CLSTN2: variants seen among roughly 807,000 people sequenced by gnomAD.
The protein encoded by CLSTN2 is calsyntenin 2.
In CLSTN2, 48 loss-of-function variants were observed where a neutral mutation model predicts 101.2. The ratio of observed to expected loss-of-function variants is 0.47; its 90% confidence interval spans 0.38 to 0.60. The LOEUF is 0.60. Ranked by LOEUF, CLSTN2 falls within the 20% of genes least tolerant of loss-of-function variation. The pLI is 0.00. For missense variants in CLSTN2, 1,160 were observed against 1,238.2 expected (o/e 0.94, Z 0.95); for synonymous variants, 481 against 463.6 (o/e 1.04, Z -0.48).
chr3:140,199,408 T>A (rs1340465137), intron 2 of CLSTN2, among the ~76,000 whole-genome samples: 1 of 152,152 alleles, frequency 6.6e-6, no homozygotes, highest in African/African-American at 2.4e-5. Context: ...TAAAAAAAAT[T>A]AATTTAGTAT....
chr3:139,957,698 G>T (rs1040438231), intron 1 of CLSTN2, among the ~76,000 whole-genome samples: 3 of 152,112 alleles, frequency 2.0e-5, no homozygotes, highest in African/African-American at 7.2e-5. Flanking sequence ...AGGGTTTGAG[G>T]TTTGAAAGGG....
chr3:140,036,944 A>AAGAT (rs143585408), intron 1 of CLSTN2, among the ~76,000 whole-genome samples: 8,044 of 152,256 alleles, frequency 0.053, 665 homozygotes, highest in African/African-American at 0.17. Context: ...TTAAGTATAA[A>AAGAT]AGAAATACAT....
chr3:140,049,863 C>G (rs577442949), intron 1 of CLSTN2, among the ~76,000 whole-genome samples: 1 of 152,316 alleles, frequency 6.6e-6, no homozygotes, highest in African/African-American at 2.4e-5. Flanking sequence ...CTTGTTTTAT[C>G]CTGTCTTGTC....
At chr3:140,233,114 T>C (rs2086385294) in intron 2 of CLSTN2, among the ~76,000 whole-genome samples, 1 of 152,202 alleles carries the variant, frequency 6.6e-6, no homozygotes, top group Non-Finnish European at 1.5e-5. Flanking sequence ...AAATGCCTTT[T>C]GTCTTTGATA....
rs1297548321 is a variant in CLSTN2, at chr3:139,978,641, TGGGGGATTGTGTGTGTG to T, written c.109+43159_109+43175del. 5.9e-4 allele frequency among the ~76,000 whole-genome samples: 74 copies of T among 126,252 alleles called. 1 individual carries two copies. Among genetic ancestry groups the T allele is most frequent in the African/African-American group, 2.3e-3 (74 of 31,972 alleles). The allele number at this position is 126,252 out of a possible 152,430, so 82.8% of individuals were successfully genotyped here. A position where few individuals can be genotyped will look rare whatever the true frequency, so the allele number is the denominator to read the frequency against. ...CTAACTCTGCTGGGAGGATGGGGGA[TGGGGGATTGTGTGTGTG>T]TGTGTGTGTGTGTGTGTGTGTGTGT... is the stretch of plus-strand genomic sequence containing the variant. On this transcript the variant is annotated intron_variant, in intron 1 of 16. Transcript: ENST00000458420.
intron 2 of CLSTN2, among the ~76,000 whole-genome samples, chr3:140,338,788 C>G (rs920669359): frequency 2.0e-5 from 3 of 152,218 alleles, no homozygotes; most frequent in Non-Finnish European, 4.4e-5. Context: ...GGTGGTCCTT[C>G]TTCCAGACCT....
intron 2 of CLSTN2, among the ~76,000 whole-genome samples, chr3:140,398,051 T>C (rs2088202972): frequency 6.6e-6 from 1 of 152,186 alleles, no homozygotes; most frequent in Non-Finnish European, 1.5e-5. Context: ...TTCTTTTTCT[T>C]GGTGGGACAG....
rs538329839 is a variant in CLSTN2 at position 140,419,789 on chromosome 3, G to A, written c.638-1336G>A. On this transcript the variant is annotated intron_variant, in intron 4 of 16. Transcript: ENST00000458420. ...TACACGTGTATACACGTATATACAC[G>A]TATACGTGTATATACGTGTATATAC... Among the ~76,000 whole-genome samples, 36 of 45,258 alleles carry A rather than the reference G, an allele frequency of 8.0e-4. 13 individuals are homozygous for A. The highest frequency in any genetic ancestry group is 1.1e-3 in the African/African-American group (3 of 2,618). 29.7% of individuals were successfully genotyped at this position (45,258 alleles called of 152,430 possible). A position where few individuals can be genotyped will look rare whatever the true frequency, so the allele number is the denominator to read the frequency against.
intron 8 of CLSTN2, among the ~76,000 whole-genome samples, chr3:140,472,567 G>T (rs1040419523): frequency 6.6e-6 from 1 of 152,170 alleles, no homozygotes; most frequent in African/African-American, 2.4e-5. Context: ...CTAGCTCTTG[G>T]CTTCATTGGG....
At chr3:140,553,092 G>GCATATGC (rs1383867148) in intron 10 of CLSTN2, among the ~76,000 whole-genome samples, 1 of 152,190 alleles carries the variant, frequency 6.6e-6, no homozygotes, top group African/African-American at 2.4e-5. Flanking sequence ...CATCAACCAT[G>GCATATGC]CATATGCCTG....
chr3:140,323,278 C>A (rs2087302123), intron 2 of CLSTN2, among the ~76,000 whole-genome samples: 2 of 152,198 alleles, frequency 1.3e-5, no homozygotes, highest in African/African-American at 4.8e-5. Flanking sequence ...AACTTGGATT[C>A]TAGTTCAGCC....
Position 140,507,003 on chromosome 3 carries a change from G to A in CLSTN2, c.1345-25321G>A, listed in dbSNP as rs562069584. 262 of 152,260 alleles carry A rather than the reference G, an allele frequency of 1.7e-3. 1 individual carries two copies. The highest frequency in any genetic ancestry group is 5.2e-3 in the African/African-American group (216 of 41,548). 9.4% of individuals were successfully genotyped at this position (152,260 alleles called of 1,614,324 possible). A position where few individuals can be genotyped will look rare whatever the true frequency, so the allele number is the denominator to read the frequency against. ...GTGTGTCTTGAATATGTGAGGGACCGGGATGGACAGAGAATGCTACAGGCT... is the reference window on the plus strand; with the variant it reads ...GTGTGTCTTGAATATGTGAGGGACCAGGATGGACAGAGAATGCTACAGGCT... On this transcript the variant is annotated intron_variant, in intron 8 of 16. Coordinates refer to ENST00000458420, the MANE Select transcript of CLSTN2 (RefSeq NM_022131.3).
chr3:140,060,390 G>T (rs927885518), intron 1 of CLSTN2, among the ~76,000 whole-genome samples: 3 of 152,150 alleles, frequency 2.0e-5, no homozygotes, highest in African/African-American at 7.2e-5. Context: ...CAACTTGATG[G>T]CTTGATGAGG....
chr3:140,208,881 C>A (rs1344722473), intron 2 of CLSTN2, among the ~76,000 whole-genome samples: 1 of 152,122 alleles, frequency 6.6e-6, no homozygotes. Context: ...TGTAACCATG[C>A]CTGACACATA....
intron 1 of CLSTN2, among the ~76,000 whole-genome samples, chr3:140,032,657 G>A (rs2007578047): frequency 6.6e-6 from 1 of 152,164 alleles, no homozygotes; most frequent in East Asian, 1.9e-4. Flanking sequence ...TTTTCTGGGT[G>A]GTCCAAAGCT....
At chr3:140,524,149 T>C (rs530158317) in intron 8 of CLSTN2, among the ~76,000 whole-genome samples, 3 of 151,578 alleles carry the variant, frequency 2.0e-5, no homozygotes, top group Admixed American at 2.0e-4. Context: ...CATGAGGGAG[T>C]GTTTACTGAG....
intron 2 of CLSTN2, among the ~76,000 whole-genome samples, chr3:140,176,668 C>T (rs1250675765): frequency 2.0e-5 from 3 of 152,184 alleles, no homozygotes; most frequent in Admixed American, 6.5e-5. Context: ...GAGGGGTAGG[C>T]CCCAGGAGGG....
chr3:140,281,462 AT>A (rs1639772609), intron 2 of CLSTN2, among the ~76,000 whole-genome samples: 1 of 152,146 alleles, frequency 6.6e-6, no homozygotes, highest in African/African-American at 2.4e-5. Flanking sequence ...CTTCTCACTT[AT>A]GGTGGAGCAG....
At chr3:140,257,631 A>G (rs559469734) in intron 2 of CLSTN2, among the ~76,000 whole-genome samples, 3 of 149,248 alleles carry the variant, frequency 2.0e-5, no homozygotes, top group African/African-American at 7.4e-5. Context: ...TATGTACACA[A>G]TTATTTTTCC....
Sources: gnomAD v4.1 joint callset for allele counts (sites outside exome capture counted in the v4.1 genomes callset) on GRCh38, gnomAD v4.1.1 for gene constraint, MANE v1.5 for transcripts, NCBI Gene and HGNC (gene_info 2026-07-23, HGNC 2026-07-21) for gene names.